The following ZNF567 variants were observed in gnomAD, a reference collection of about 807,000 sequenced individuals.
The protein encoded by ZNF567 is zinc finger protein 567.
ZNF567 carries 36 observed loss-of-function variants against 53.9 expected under a neutral mutation model. The ratio of observed to expected loss-of-function variants is 0.67; its 90% confidence interval spans 0.51 to 0.88. The LOEUF is 0.88. ZNF567 is among the 40% of genes least tolerant of loss of function. ZNF567 has a pLI of 0.00. For synonymous variants in ZNF567, 224 were observed against 260.4 expected (o/e 0.86, Z 1.35); for missense variants, 619 against 764.7 (o/e 0.81, Z 2.25).
the ZNF567 span, among the ~76,000 whole-genome samples, chr19:36,681,741 T>C: frequency 2.6e-5 from 4 of 151,310 alleles, no homozygotes; most frequent in Non-Finnish European, 5.9e-5. Flanking sequence ...AAGTTTTCTT[T>C]TTTTTTTTTT....
chr19:36,721,744 C>T (rs8107387), downstream of ZNF567, among the ~76,000 whole-genome samples: 64,274 of 101,620 alleles, frequency 0.63, 20,198 homozygotes, highest in East Asian at 0.8. Context: ...TTTTTTTTTT[C>T]TTTTTTTTTT....
intron 3 of ZNF567, among the ~76,000 whole-genome samples, chr19:36,709,436 G>C (rs1221740572): frequency 6.6e-6 from 1 of 152,108 alleles, no homozygotes; most frequent in African/African-American, 2.4e-5. Context: ...CCTTCCTAAA[G>C]ACCTTAGTGT....
At chr19:36,712,933 G>GT (rs754891589) in intron 5 of ZNF567, 66 bp downstream of exon 5, 3 of 1,264,614 alleles carry the variant, frequency 2.4e-6, no homozygotes, top group Non-Finnish European at 3.4e-6. Context: ...TCAAGTGGGG[G>GT]TGATACCTTT....
chr19:36,716,288 TTTCA>T (rs2040062191), intron 5 of ZNF567, among the ~76,000 whole-genome samples: 1 of 152,196 alleles, frequency 6.6e-6, no homozygotes. Flanking sequence ...CATAGATACT[TTTCA>T]TTGTGTTGTG....
intron 5 of ZNF567, among the ~76,000 whole-genome samples, chr19:36,716,986 C>T (rs962349288): frequency 5.3e-5 from 8 of 152,064 alleles, no homozygotes; most frequent in African/African-American, 1.4e-4. Context: ...CCACCATGCC[C>T]GGCCAGCTTT....
intron 2 of ZNF567, among the ~76,000 whole-genome samples, chr19:36,691,140 G>A (rs1280632173): frequency 6.6e-6 from 1 of 150,662 alleles, no homozygotes; most frequent in Non-Finnish European, 1.5e-5. Flanking sequence ...GGATACTTTG[G>A]ATTTTTTTGT....
upstream of ZNF567, among the ~76,000 whole-genome samples, chr19:36,682,913 AT>A (rs1374588324): frequency 6.6e-6 from 1 of 150,730 alleles, no homozygotes; most frequent in South Asian, 2.1e-4. Flanking sequence ...AGCTGGGTTT[AT>A]TTTTTTAAAA....
chr19:36,726,982 T>TTTTCTTTCTTTC (rs71266566), downstream of ZNF567: 9 of 55,412 alleles, frequency 1.6e-4, no homozygotes, highest in African/African-American at 4.1e-4. Context: ...CTTTCTTTCT[T>TTTTCTTTCTTTC]TTTCTTTCTT....
intron 3 of ZNF567, among the ~76,000 whole-genome samples, chr19:36,699,402 T>C (rs1052557219): frequency 3.9e-5 from 6 of 152,144 alleles, no homozygotes; most frequent in Non-Finnish European, 8.8e-5. Flanking sequence ...CTTGGCGATG[T>C]GGGCTCTTTT....
At chr19:36,676,045 T>A in the ZNF567 span, among the ~76,000 whole-genome samples, 2 of 145,242 alleles carry the variant, frequency 1.4e-5, no homozygotes, top group Non-Finnish European at 3.1e-5. Context: ...ATTTTTCTAT[T>A]ATTCTACACC....
rs1182419916 is a variant in ZNF567 at position 36,721,062 on chromosome 19, TA to T, written c.*395del. On this transcript the variant is annotated 3_prime_UTR_variant, in exon 6 of 6. Transcript: ENST00000682579. The stretch of plus-strand genomic sequence containing the variant: ...AGTTAGTTGTTACTTACCTAAGAGT[TA>T]CCACTTCCGTAGCCTATAACATCAA... 6.5e-6 allele frequency: 1 copy of T among 153,198 alleles called. No homozygotes were observed. The highest frequency in any genetic ancestry group is 1.5e-5 in the Non-Finnish European group (1 of 68,724). 9.5% of individuals were successfully genotyped at this position (153,198 alleles called of 1,614,324 possible).
chr19:36,719,412 A>G lies in ZNF567; in HGVS notation c.688A>G (p.Arg230Gly). The change falls in exon 6 of 6, where the codon AGA becomes GGA. Residue 230 changes from arginine (R) to glycine (G), a missense_variant. Physicochemically the swap from Arg to Gly is moderately radical, Grantham distance 125. Coordinates refer to ENST00000682579, the MANE Select transcript of ZNF567 (RefSeq NM_001322917.1). ...LQRGGLITHS[R>G]PYKGENPSVY... ...AAGGGGAGGCCTGATTACACATAGT[A>G]GACCTTACAAAGGAGAAAACCCATC... 6.2e-7 allele frequency: 1 copy of G among 1,613,798 alleles called. No individual in the cohort carries two copies. Among genetic ancestry groups the G allele is most frequent in the Non-Finnish European group, 8.5e-7 (1 of 1,179,928 alleles).
chr19:36,721,744 CTTTTTTTT>C (rs5827963), downstream of ZNF567, among the ~76,000 whole-genome samples: 3 of 101,486 alleles, frequency 3.0e-5, no homozygotes, highest in African/African-American at 4.0e-5. Context: ...TTTTTTTTTT[CTTTTTTTT>C]TTTTTTTTTT....
chr19:36,672,592 A>G, the ZNF567 span, among the ~76,000 whole-genome samples: 66 of 152,204 alleles, frequency 4.3e-4, no homozygotes, highest in Middle Eastern at 3.2e-3. Context: ...CAAACTGGCT[A>G]CAGCTACTGC....
downstream of ZNF567, chr19:36,723,421 T>C (rs1410255439): frequency 7.1e-6 from 4 of 563,594 alleles, no homozygotes; most frequent in African/African-American, 7.5e-5. Flanking sequence ...CAGTAGAACA[T>C]TGTATCCAAT....
chr19:36,712,786 C>T lies in ZNF567; in HGVS notation c.142C>T (p.His48Tyr). The T allele has an allele frequency of 1.2e-6, 2 of 1,613,392 alleles. No homozygotes were observed. Among genetic ancestry groups the T allele is most frequent in the Non-Finnish European group, 1.7e-6 (2 of 1,179,780 alleles). The stretch of plus-strand genomic sequence containing the variant: ...GTCTTTTTTTCACTTTTCAGGGTGT[C>T]ACATGACCAAACCTGATGTGATCCT... ...NYCHLISVGC[H>Y]MTKPDVILKL... The change falls in exon 5 of 6, where the codon CAC (histidine) becomes TAC (tyrosine). Residue 48 changes from histidine to tyrosine, a missense_variant. His to Tyr is a moderately conservative substitution (Grantham distance 83). Transcript: ENST00000682579.
chr19:36,679,289 C>CA, the ZNF567 span, among the ~76,000 whole-genome samples: 1 of 151,926 alleles, frequency 6.6e-6, no homozygotes, highest in Admixed American at 6.6e-5. Context: ...CCATCCCCCC[C>CA]AAAAAAACCA....
chr19:36,712,519 A>C lies in ZNF567; in HGVS notation c.136+7A>C. ...TGCCACCTCATCTCTGTGGGTAAGA[A>C]AAATCCTCTTTGAAACTTTAGTAGC... On this transcript the variant is annotated splice_region_variant and intron_variant, in intron 4 of 5. Coordinates refer to ENST00000682579, the MANE Select transcript of ZNF567 (RefSeq NM_001322917.1). 6.2e-7 allele frequency: 1 copy of C among 1,614,108 alleles called. No homozygotes were observed. The highest frequency in any genetic ancestry group is 8.5e-7 in the Non-Finnish European group (1 of 1,179,986).
intron 3 of ZNF567, among the ~76,000 whole-genome samples, chr19:36,696,918 C>T (rs890647309): frequency 1.3e-4 from 20 of 152,266 alleles, no homozygotes; most frequent in South Asian, 4.1e-4. Flanking sequence ...TATCTATTTC[C>T]GGAACTGTTT....
Sources: gnomAD v4.1 joint callset for allele counts (sites outside exome capture counted in the v4.1 genomes callset) on GRCh38, gnomAD v4.1.1 for gene constraint, MANE v1.5 for transcripts, NCBI Gene and HGNC (gene_info 2026-07-23, HGNC 2026-07-21) for gene names.